Variants in YOD1 observed in about 807,000 individuals in gnomAD.
YOD1 encodes the protein ubiquitin thioesterase OTU1.
Under a neutral mutation model 23.7 loss-of-function variants are expected in YOD1, and 17 were observed. The ratio of observed to expected loss-of-function variants is 0.72; its 90% CI spans 0.49 to 1.07. The LOEUF is 1.07. Among genes scored for constraint, YOD1 ranks in the 50% least tolerant of loss-of-function variants. YOD1 has a pLI of 0.00. For missense variants in YOD1, 413 were observed against 447.2 expected (o/e 0.92, Z 0.69); for synonymous variants, 191 against 169.6 (o/e 1.13, Z -0.98).
At chr1:207,050,546 T>C in intron 1 of YOD1, 142 bp downstream of exon 1, 1 of 1,081,960 alleles carries the variant, frequency 9.2e-7, no homozygotes. Flanking sequence ...CAGCATTCTC[T>C]GTTCTTTGAT....
chr1:207,050,624 G>C (rs1682716916), intron 1 of YOD1, 64 bp downstream of exon 1: 1 of 1,597,768 alleles, frequency 6.3e-7, no homozygotes, highest in East Asian at 2.2e-5. Flanking sequence ...CTGGTGTTTT[G>C]TTCTCTCTCA....
chr1:207,052,431 G>A, upstream of YOD1: 4 of 502,776 alleles, frequency 8.0e-6, no homozygotes, highest in Non-Finnish European at 1.1e-5. Flanking sequence ...GGAGGCCGAG[G>A]CGGGTGAATC....
Position 207,048,268 on chromosome 1 carries a change from G to A in YOD1, c.*752C>T, listed in dbSNP as rs1421837238. On this transcript the variant is annotated 3_prime_UTR_variant, in exon 2 of 2. Transcript: ENST00000315927. ...GCACCTATTCCCTCATACATTCTAC[G>A]TTTTATATGCTAGAGATCTTAAACA... 1.3e-5 allele frequency: 2 copies of A among 152,596 alleles called. No homozygotes were observed. Among genetic ancestry groups the A allele is most frequent in the African/African-American group, 2.4e-5 (1 of 41,424 alleles). The allele number at this position is 152,596 out of a possible 1,614,324, so 9.5% of individuals were successfully genotyped here. A position where few individuals can be genotyped will look rare whatever the true frequency, so the allele number is the denominator to read the frequency against.
At chr1:207,052,228 G>A, upstream of YOD1, 1 of 1,612,328 alleles carries the variant, frequency 6.2e-7, no homozygotes, top group East Asian at 2.2e-5. Context: ...TATATGTAAT[G>A]TTTCCATCTT....
rs1364468719 is a variant in YOD1, at chr1:207,049,359, T to C, written c.708A>G (p.Ile236Met). Residue 236 changes from isoleucine to methionine, a missense_variant, in exon 2 of 2, where the codon ATA (isoleucine) becomes ATG (methionine). By Grantham distance (10) the Ile-to-Met change is conservative (BLOSUM62 1). Transcript: ENST00000315927. The part of the protein sequence containing the change: ...SILSKFYQCE[I>M]CVVDTQTVRI... Reference sequence around the variant, plus strand: ...TTACTGTCTGTGTATCCACTACACATATTTCACATTGGTAAAACTTGGACA... The same window carrying C: ...TTACTGTCTGTGTATCCACTACACACATTTCACATTGGTAAAACTTGGACA... The C allele has an allele frequency of 6.2e-7, 1 of 1,614,054 alleles. No individual in the cohort carries two copies. Among genetic ancestry groups the C allele is most frequent in the African/African-American group, 1.3e-5 (1 of 74,916 alleles).
chr1:207,052,186 T>C (rs759098176), upstream of YOD1: 5 of 1,612,654 alleles, frequency 3.1e-6, no homozygotes, highest in Admixed American at 3.3e-5. Flanking sequence ...CAAACTCACC[T>C]CCACTGTAAA....
chr1:207,049,405 C>G lies in YOD1; in HGVS notation c.662G>C (p.Gly221Ala), dbSNP rs746259721. Residue 221 changes from glycine to alanine, a missense_variant, in exon 2 of 2, where the codon GGA (glycine) becomes GCA (alanine). Gly to Ala is a moderately conservative substitution (Grantham distance 60). Transcript: ENST00000315927. Reference sequence around the variant, plus strand: ...GGACAAAATCGATATCTCTATTGCTCCTCCCCAAGTGTCATCCCTTTTGAT... The same window carrying G: ...GGACAAAATCGATATCTCTATTGCTGCTCCCCAAGTGTCATCCCTTTTGAT... The part of the protein sequence containing the change: ...DWIKRDDTWG[G>A]AIEISILSKF... 1 of 1,614,112 alleles carries G rather than the reference C, an allele frequency of 6.2e-7. No homozygotes were observed. Among genetic ancestry groups the G allele is most frequent in the South Asian group, 1.1e-5 (1 of 91,076 alleles).
rs1682624675 is a variant in YOD1, at chr1:207,047,347, T to C, written c.*1673A>G. ...CAAACAAACTTTGTGAATTGTTCCTTAAAAGTTCTTTTCTCTTATATTGTT... is the reference window on the plus strand; with the variant it reads ...CAAACAAACTTTGTGAATTGTTCCTCAAAAGTTCTTTTCTCTTATATTGTT... On this transcript the variant is annotated 3_prime_UTR_variant, in exon 2 of 2. Transcript: ENST00000315927. 6.6e-6 allele frequency: 1 copy of C among 152,562 alleles called. No individual in the cohort carries two copies. Among genetic ancestry groups the C allele is most frequent in the Non-Finnish European group, 1.5e-5 (1 of 67,978 alleles). 9.5% of individuals were successfully genotyped at this position (152,562 alleles called of 1,614,324 possible).
intron 1 of YOD1, among the ~76,000 whole-genome samples, chr1:207,049,984 T>C (rs538424789): frequency 3.3e-4 from 51 of 152,310 alleles, no homozygotes; most frequent in Admixed American, 2.0e-3. Context: ...CAAGCTTACC[T>C]AAAAAGATAC....
In YOD1 at chr1:207,043,892, C is replaced by T. The variant is rs1682530978; in HGVS notation, c.*5128G>A. On this transcript the variant is annotated 3_prime_UTR_variant, in exon 2 of 2. Transcript: ENST00000315927. Reference sequence around the variant, plus strand: ...TTCCTTTGAAACAAGTCACTTAATACAGCATTTAGATATTTAAAGTCATAC... The same window carrying T: ...TTCCTTTGAAACAAGTCACTTAATATAGCATTTAGATATTTAAAGTCATAC... 6.6e-6 allele frequency: 1 copy of T among 152,574 alleles called. No homozygotes were observed. Among genetic ancestry groups the T allele is most frequent in the African/African-American group, 2.4e-5 (1 of 41,442 alleles). 9.5% of individuals were successfully genotyped at this position (152,574 alleles called of 1,614,324 possible). A position where few individuals can be genotyped will look rare whatever the true frequency, so the allele number is the denominator to read the frequency against.
chr1:207,052,500 A>G (rs1271056232), upstream of YOD1, among the ~76,000 whole-genome samples: 1 of 152,166 alleles, frequency 6.6e-6, no homozygotes, highest in Non-Finnish European at 1.5e-5. Flanking sequence ...CGTCTCTACT[A>G]AAAATACAAA....
At position 207,049,251 on chromosome 1, in the gene YOD1, C is replaced by G. The variant is rs771286369; in HGVS notation, c.816G>C (p.Gln272His). The G allele has an allele frequency of 3.1e-6, 5 of 1,613,986 alleles. No individual in the cohort carries two copies. The highest frequency in any genetic ancestry group is 4.2e-6 in the Non-Finnish European group (5 of 1,180,030). ...IYDGIHYDPLQRNFPDPDTPP... is the reference protein window; with the variant it reads ...IYDGIHYDPLHRNFPDPDTPP... ...GTGTATCTGGATCAGGGAAGTTACG[C>G]TGAAGTGGATCATAGTGGATGCCAT... The change falls in exon 2 of 2, where the codon CAG becomes CAC. Residue 272 changes from glutamine to histidine, a missense_variant. By Grantham distance (24) the Gln-to-His change is conservative (BLOSUM62 0). Transcript: ENST00000315927.
intron 1 of YOD1, among the ~76,000 whole-genome samples, chr1:207,050,089 T>G (rs1046492593): frequency 6.6e-6 from 1 of 152,186 alleles, no homozygotes; most frequent in Non-Finnish European, 1.5e-5. Flanking sequence ...CTCCGGAAAC[T>G]TATCTACTCT....
chr1:207,052,393 G>A (rs1682775589), upstream of YOD1: 11 of 598,134 alleles, frequency 1.8e-5, no homozygotes, highest in South Asian at 2.1e-4. Flanking sequence ...CGGGCGCAGT[G>A]GCTCACACCT....
Position 207,051,125 on chromosome 1 carries a change from C to T in YOD1, c.-95G>A. Reference sequence around the variant, plus strand: ...AGCGCGAACTCTTTTAAAGTGACAACTGATTTTTCCCCCACCCTCAGAACG... The same window carrying T: ...AGCGCGAACTCTTTTAAAGTGACAATTGATTTTTCCCCCACCCTCAGAACG... On this transcript the variant is annotated 5_prime_UTR_variant, in exon 1 of 2. Coordinates refer to ENST00000315927, the MANE Select transcript of YOD1 (RefSeq NM_018566.4). 7.0e-7 allele frequency: 1 copy of T among 1,422,814 alleles called. No individual in the cohort carries two copies. Among genetic ancestry groups the T allele is most frequent in the South Asian group, 1.5e-5 (1 of 65,710 alleles). The allele number at this position is 1,422,814 out of a possible 1,614,324, so 88.1% of individuals were successfully genotyped here.
Position 207,044,084 on chromosome 1 carries a change from A to T in YOD1, c.*4936T>A, listed in dbSNP as rs1217161673. 1.3e-5 allele frequency: 2 copies of T among 152,468 alleles called. No individual in the cohort carries two copies. Among genetic ancestry groups the T allele is most frequent in the Admixed American group, 1.3e-4 (2 of 15,284 alleles). 9.4% of individuals were successfully genotyped at this position (152,468 alleles called of 1,614,324 possible). A position where few individuals can be genotyped will look rare whatever the true frequency, so the allele number is the denominator to read the frequency against. On this transcript the variant is annotated 3_prime_UTR_variant, in exon 2 of 2. Transcript: ENST00000315927. ...CAAGAAAACACTGTCCATCTGCATT[A>T]AGAAAAAATATTTTCTTATGCTGTT...
In YOD1 at chr1:207,047,513, ATACT is replaced by A. The variant is rs1031867772; in HGVS notation, c.*1503_*1506del. The A allele has an allele frequency of 3.3e-5, 5 of 152,640 alleles. No individual in the cohort carries two copies. Among genetic ancestry groups the A allele is most frequent in the African/African-American group, 9.6e-5 (4 of 41,474 alleles). 9.5% of individuals were successfully genotyped at this position (152,640 alleles called of 1,614,324 possible). On this transcript the variant is annotated 3_prime_UTR_variant, in exon 2 of 2. Transcript: ENST00000315927. ...GTATACCACTGAATTTCTAAGTGAG[ATACT>A]TAATAAAAAAGAGACCAAAATAACA... is the stretch of plus-strand genomic sequence containing the variant.
chr1:207,050,301 GAAAA>G (rs926498163), intron 1 of YOD1, among the ~76,000 whole-genome samples: 1 of 148,278 alleles, frequency 6.7e-6, no homozygotes, highest in Non-Finnish European at 1.5e-5. Context: ...AATGAATCAA[GAAAA>G]AAAAAATCCT....
Position 207,049,409 on chromosome 1 carries a change from C to T in YOD1, c.658G>A (p.Gly220Arg), listed in dbSNP as rs1034752363. The T allele has an allele frequency of 1.2e-6, 2 of 1,614,022 alleles. No individual in the cohort carries two copies. The highest frequency in any genetic ancestry group is 1.7e-6 in the Non-Finnish European group (2 of 1,180,040). The change falls in exon 2 of 2, where the codon GGA becomes AGA. Residue 220 changes from glycine (G) to arginine (R), a missense_variant. Gly to Arg is a moderately radical substitution (Grantham distance 125). Coordinates refer to ENST00000315927, the MANE Select transcript of YOD1 (RefSeq NM_018566.4). Reference protein sequence around the residue: ...CDWIKRDDTWGGAIEISILSK... With the variant: ...CDWIKRDDTWRGAIEISILSK... Reference sequence around the variant, plus strand: ...AAAATCGATATCTCTATTGCTCCTCCCCAAGTGTCATCCCTTTTGATCCAG... The same window carrying T: ...AAAATCGATATCTCTATTGCTCCTCTCCAAGTGTCATCCCTTTTGATCCAG...
Sources: allele counts gnomAD v4.1 joint callset (sites outside exome capture counted in the v4.1 genomes callset), GRCh38; gene constraint gnomAD v4.1.1; transcripts MANE v1.5; gene names NCBI Gene and HGNC (gene_info 2026-07-23, HGNC 2026-07-21).